MSH3: variants seen among roughly 807,000 people sequenced by gnomAD.
MSH3 encodes DNA mismatch repair protein Msh3.
Under a neutral mutation model 123.3 loss-of-function variants are expected in MSH3, and 106 were observed. The ratio of observed to expected loss-of-function variants is 0.86; its 90% CI spans 0.73 to 1.01. MSH3 has a LOEUF of 1.01. Ranked by LOEUF, MSH3 falls within the 50% of genes least tolerant of loss-of-function variation. MSH3 has a pLI of 0.00. For synonymous variants in MSH3, 515 were observed against 481.4 expected (o/e 1.07, Z -0.91); for missense variants, 1,459 against 1,347.6 (o/e 1.08, Z -1.29).
At chr5:80,775,093 C>A (rs1181279272) in intron 15 of MSH3, among the ~76,000 whole-genome samples, 1 of 151,700 alleles carries the variant, frequency 6.6e-6, no homozygotes, top group African/African-American at 2.4e-5. Flanking sequence ...TACCATGTAC[C>A]CACAAAAATA....
At chr5:80,754,278 T>G (rs1430640807) in intron 12 of MSH3, among the ~76,000 whole-genome samples, 1 of 151,932 alleles carries the variant, frequency 6.6e-6, no homozygotes, top group Admixed American at 6.6e-5. Flanking sequence ...AAAGCAAATA[T>G]GAATTTTATA....
intron 8 of MSH3, among the ~76,000 whole-genome samples, chr5:80,717,155 T>A (rs753590041): frequency 7.9e-5 from 12 of 152,240 alleles, no homozygotes; most frequent in Non-Finnish European, 1.3e-4. Context: ...TTGAGAATAG[T>A]GCTGCAGTAA....
rs145657887 is a variant in MSH3 at position 80,768,080 on chromosome 5, G to A, written c.2044G>A (p.Val682Met). The part of the protein sequence containing the change: ...ILEIPELLSP[V>M]EHYLKILNEQ... ...AGAAATTCCTGAACTCCTCAGTCCA[G>A]TGGAGCATTACTTAAAGATACTCAA... The change falls in exon 14 of 24, where the codon GTG becomes ATG. Residue 682 changes from valine to methionine, a missense_variant. By Grantham distance (21) the Val-to-Met change is conservative. Coordinates refer to ENST00000265081, the MANE Select transcript of MSH3 (RefSeq NM_002439.5). 1 of 1,613,706 alleles carries A rather than the reference G, an allele frequency of 6.2e-7. No homozygotes were observed. The highest frequency in any genetic ancestry group is 1.1e-5 in the South Asian group (1 of 91,078).
At chr5:80,732,904 C>T (rs1743436798) in intron 10 of MSH3, among the ~76,000 whole-genome samples, 1 of 152,116 alleles carries the variant, frequency 6.6e-6, no homozygotes, top group South Asian at 2.1e-4. Context: ...TTATGAAAAC[C>T]TCACAGACAT....
At chr5:80,793,839 G>A (rs756158368) in intron 19 of MSH3, among the ~76,000 whole-genome samples, 7 of 152,206 alleles carry the variant, frequency 4.6e-5, no homozygotes, top group Non-Finnish European at 1.0e-4. Context: ...AGTTATGGCA[G>A]GGTGTTTGAG....
At chr5:80,778,527 G>C (rs1307772696) in intron 16 of MSH3, among the ~76,000 whole-genome samples, 193 bp from the exon 17 acceptor site, 1 of 152,128 alleles carries the variant, frequency 6.6e-6, no homozygotes, top group Non-Finnish European at 1.5e-5. Context: ...CATTTTAAAA[G>C]GCTTCCTGAG....
intron 20 of MSH3, among the ~76,000 whole-genome samples, chr5:80,851,474 C>G (rs1240346182): frequency 6.6e-6 from 1 of 152,044 alleles, no homozygotes; most frequent in African/African-American, 2.4e-5. Flanking sequence ...TGAATTGACT[C>G]TTTATGTTCT....
At chr5:80,767,446 C>T (rs1292863849) in intron 13 of MSH3, among the ~76,000 whole-genome samples, 1 of 152,060 alleles carries the variant, frequency 6.6e-6, no homozygotes, top group Non-Finnish European at 1.5e-5. Context: ...TTCTAATTTG[C>T]TTGTCTTTAA....
At chr5:80,802,697 A>G (rs543360985) in intron 19 of MSH3, among the ~76,000 whole-genome samples, 81 of 152,222 alleles carry the variant, frequency 5.3e-4, no homozygotes, top group African/African-American at 1.9e-3. Context: ...GTTTGTACCC[A>G]AGGACCATTC....
At chr5:80,840,298 A>G (rs895462956) in intron 20 of MSH3, among the ~76,000 whole-genome samples, 74 of 152,242 alleles carry the variant, frequency 4.9e-4, no homozygotes, top group African/African-American at 1.8e-3. Context: ...AAAACAAGCA[A>G]TGGGGAAAGG....
intron 20 of MSH3, among the ~76,000 whole-genome samples, chr5:80,824,898 C>T (rs1402026073): frequency 6.6e-6 from 1 of 152,160 alleles, no homozygotes; most frequent in Non-Finnish European, 1.5e-5. Flanking sequence ...CCTCTGAGAG[C>T]TCCGTCTGGG....
chr5:80,717,899 A>G (rs1708612174), intron 8 of MSH3, among the ~76,000 whole-genome samples: 1 of 152,224 alleles, frequency 6.6e-6, no homozygotes, highest in South Asian at 2.1e-4. Context: ...ATGATGGAAC[A>G]TTGGTAGTTG....
At chr5:80,872,038 C>G (rs934690369) in intron 22 of MSH3, among the ~76,000 whole-genome samples, 4 of 152,132 alleles carry the variant, frequency 2.6e-5, no homozygotes, top group African/African-American at 9.7e-5. Context: ...CTCTTTAGTC[C>G]TAAGTGGGAT....
intron 19 of MSH3, among the ~76,000 whole-genome samples, chr5:80,793,918 C>T (rs903472966): frequency 2.6e-5 from 4 of 152,124 alleles, no homozygotes; most frequent in African/African-American, 7.2e-5. Flanking sequence ...AGTAATACTC[C>T]TGCATAGGGA....
chr5:80,677,825 T>A (rs1749877021), intron 7 of MSH3, among the ~76,000 whole-genome samples: 1 of 152,274 alleles, frequency 6.6e-6, no homozygotes, highest in African/African-American at 2.4e-5. Flanking sequence ...CATGTGTCGC[T>A]GTAGTTCTCT....
At chr5:80,683,856 A>G (rs1750024975) in intron 8 of MSH3, among the ~76,000 whole-genome samples, 1 of 152,132 alleles carries the variant, frequency 6.6e-6, no homozygotes, top group Non-Finnish European at 1.5e-5. Flanking sequence ...TTTTGATTTG[A>G]TTTTTGTATA....
chr5:80,854,286 C>T lies in MSH3; in HGVS notation c.2970C>T (p.Ala990=), dbSNP rs1745880293. The T allele has an allele frequency of 6.2e-7, 1 of 1,613,794 alleles. No individual in the cohort carries two copies. Residue 990 remains alanine (A), a synonymous_variant, in exon 21 of 24, where the codon GCC becomes GCT. Coordinates refer to ENST00000265081, the MANE Select transcript of MSH3 (RefSeq NM_002439.5). ...GCACTCATGATGGAATTGCCATTGC[C>T]TATGCTACACTTGAGTATTTCATCA... The part of the protein sequence containing the change: ...GTSTHDGIAI[A]YATLEYFIRD...
intron 17 of MSH3, among the ~76,000 whole-genome samples, chr5:80,779,910 C>T (rs1203839162): frequency 6.6e-6 from 1 of 152,000 alleles, no homozygotes; most frequent in Admixed American, 6.6e-5. Context: ...CTTGAATTTT[C>T]CCAATGTCCC....
chr5:80,721,271 T>C (rs947563320), intron 8 of MSH3, among the ~76,000 whole-genome samples: 6 of 152,220 alleles, frequency 3.9e-5, no homozygotes, highest in Admixed American at 3.9e-4. Context: ...TACCCTGTTA[T>C]CCTTTTCTCC....
Sources: allele counts gnomAD v4.1 joint callset (sites outside exome capture counted in the v4.1 genomes callset), GRCh38; gene constraint gnomAD v4.1.1; transcripts MANE v1.5; gene names NCBI Gene and HGNC (gene_info 2026-07-23, HGNC 2026-07-21).